ERVK3-1: variants seen among roughly 807,000 people sequenced by gnomAD.
The protein encoded by ERVK3-1 is endogenous retrovirus group K3 member 1, also known as HERV-K(HML6-1).
chr19:58,314,200 G>T (rs2147972068), intron 3 of ERVK3-1, among the ~76,000 whole-genome samples: 1 of 152,290 alleles, frequency 6.6e-6, no homozygotes, highest in South Asian at 2.1e-4. Context: ...AAGCTCATTT[G>T]CAGGGAGCTT....
intron 2 of ERVK3-1, among the ~76,000 whole-genome samples, chr19:58,308,058 G>T (rs768945710): frequency 1.3e-5 from 2 of 152,206 alleles, no homozygotes; most frequent in African/African-American, 2.4e-5. Flanking sequence ...TTATGAAGGA[G>T]AAATTCAAGT....
chr19:58,316,720 A>G (rs908762337), downstream of ERVK3-1, among the ~76,000 whole-genome samples: 42 of 152,254 alleles, frequency 2.8e-4, no homozygotes, highest in Non-Finnish European at 7.3e-5. Context: ...TTGTAGGCTC[A>G]GAGAGAAAAC....
rs1403002238 is a variant in ERVK3-1, at chr19:58,310,921, G to C, written c.-3-1245G>C. 2.7e-6 allele frequency: 1 copy of C among 368,902 alleles called. No individual in the cohort carries two copies. The highest frequency in any genetic ancestry group is 5.6e-6 in the Non-Finnish European group (1 of 179,266). 22.9% of individuals were successfully genotyped at this position (368,902 alleles called of 1,614,324 possible). ...GACCACGGTCTTCCCAAACGCTGGC[G>C]TCACCACTAGACCAAGGAGCCCTCT... On this transcript the variant is annotated intron_variant, in intron 2 of 3. Transcript: ENST00000413518. The surrounding 1 kb of genome is among the most constrained non-coding windows in gnomAD (Gnocchi z 4.7).
chr19:58,308,999 T>C (rs1276572144), intron 2 of ERVK3-1: 1 of 152,202 alleles, frequency 6.6e-6, no homozygotes. Context: ...ATTAGCCTCT[T>C]GTAGTAATAG....
intron 2 of ERVK3-1, among the ~76,000 whole-genome samples, chr19:58,306,870 T>G (rs1212737019): frequency 1.3e-5 from 2 of 152,260 alleles, no homozygotes; most frequent in Non-Finnish European, 2.9e-5. Context: ...TGGTTAATAA[T>G]GGAATACAGA....
intron 2 of ERVK3-1, chr19:58,306,589 A>G (rs1420162184): frequency 6.6e-6 from 1 of 152,250 alleles, no homozygotes; most frequent in Admixed American, 6.5e-5. Context: ...TGAATCTCAA[A>G]AATTGAAAGA....
chr19:58,310,835 C>A lies in ERVK3-1; in HGVS notation c.-3-1331C>A. 2.6e-6 allele frequency: 1 copy of A among 391,906 alleles called. No individual in the cohort carries two copies. The highest frequency in any genetic ancestry group is 5.2e-6 in the Non-Finnish European group (1 of 190,740). 24.3% of individuals were successfully genotyped at this position (391,906 alleles called of 1,614,324 possible). On this transcript the variant is annotated intron_variant, in intron 2 of 3. Transcript: ENST00000413518. The surrounding 1 kb of genome is among the most constrained non-coding windows in gnomAD (Gnocchi z 4.7). ...CCCCCAGGGAAAGGGAGACCGCCCC[C>A]CACCCTTTCCCGGTCTGCTAAGTAG...
rs2051547549 is a variant in ERVK3-1, at chr19:58,310,217, TA to T, written c.-3-1946del. 1 of 152,284 alleles carries T rather than the reference TA, an allele frequency of 6.6e-6. No individual in the cohort carries two copies. The highest frequency in any genetic ancestry group is 2.1e-4 in the South Asian group (1 of 4,830). The allele number at this position is 152,284 out of a possible 1,614,324, so 9.4% of individuals were successfully genotyped here. ...ATTGTCTGTAATTCAGCCTATGTCG[TA>T]AATGTAGCTAGTTGCATTAAAACTG... On this transcript the variant is annotated intron_variant, in intron 2 of 3. Coordinates refer to ENST00000413518, the Ensembl canonical transcript of ERVK3-1. This position sits in a 1 kb window ranked among gnomAD's most constrained non-coding sequence, Gnocchi z 4.7.
intron 2 of ERVK3-1, chr19:58,309,500 C>T (rs1000428297): frequency 1.3e-5 from 2 of 152,228 alleles, no homozygotes; most frequent in African/African-American, 4.8e-5. Context: ...TTCTTATCAA[C>T]TCACTCATGT....
In ERVK3-1 at chr19:58,313,095, C is replaced by T. The variant is rs768963112; in HGVS notation, c.294+633C>T. On this transcript the variant is annotated intron_variant, in intron 3 of 3. Coordinates refer to ENST00000413518, the Ensembl canonical transcript of ERVK3-1. The surrounding 1 kb of genome is among the most constrained non-coding windows in gnomAD (Gnocchi z 4.5). ...GGTATAGGACAGGCTTTAACCCGCCCTTACCTCAGTGACGTCATCTAGGAA... is the reference window on the plus strand; with the variant it reads ...GGTATAGGACAGGCTTTAACCCGCCTTTACCTCAGTGACGTCATCTAGGAA... 1.3e-5 allele frequency: 2 copies of T among 152,196 alleles called. No individual in the cohort carries two copies. Among genetic ancestry groups the T allele is most frequent in the African/African-American group, 2.4e-5 (1 of 41,430 alleles). The allele number at this position is 152,196 out of a possible 1,614,324, so 9.4% of individuals were successfully genotyped here.
intron 2 of ERVK3-1, among the ~76,000 whole-genome samples, chr19:58,308,133 A>C (rs1396308618): frequency 1.3e-5 from 2 of 152,222 alleles, no homozygotes; most frequent in Admixed American, 1.3e-4. Context: ...GCTATTGCTT[A>C]TTATTATTCT....
At chr19:58,307,331 T>C (rs1258681518) in intron 2 of ERVK3-1, among the ~76,000 whole-genome samples, 1 of 152,238 alleles carries the variant, frequency 6.6e-6, no homozygotes, top group Admixed American at 6.5e-5. Context: ...CCCTAGCTTT[T>C]GAAAATGCAA....
chr19:58,315,386 A>G (rs1277268647), exon 4 of ERVK3-1: 1 of 152,086 alleles, frequency 6.6e-6, no homozygotes, highest in African/African-American at 2.4e-5. Context: ...GCAACCACTA[A>G]TCCACGTTAT....
rs151292583 is a variant in ERVK3-1 at position 58,306,934 on chromosome 19, C to T, written c.-4+718C>T. Among the ~76,000 whole-genome samples, 330 of 152,360 alleles carry T rather than the reference C, an allele frequency of 2.2e-3. 3 individuals carry two copies. The highest frequency in any genetic ancestry group is 7.5e-3 in the African/African-American group (313 of 41,584). Reference sequence around the variant, plus strand: ...TGTATTCAGCACTATGCGCCTCCCACCCTTGGATATAAAGCATTTAGCTTG... The same window carrying T: ...TGTATTCAGCACTATGCGCCTCCCATCCTTGGATATAAAGCATTTAGCTTG... On this transcript the variant is annotated intron_variant, in intron 2 of 3. Transcript: ENST00000413518.
chr19:58,315,995 C>CAG (rs2051590370), downstream of ERVK3-1, among the ~76,000 whole-genome samples: 1 of 152,102 alleles, frequency 6.6e-6, no homozygotes, highest in African/African-American at 2.4e-5. Flanking sequence ...TCGGGTGCCC[C>CAG]CTACCCTGTA....
rs2051552025 is a variant in ERVK3-1 at position 58,310,831 on chromosome 19, C to T, written c.-3-1335C>T. On this transcript the variant is annotated intron_variant, in intron 2 of 3. Transcript: ENST00000413518. The surrounding 1 kb of genome is among the most constrained non-coding windows in gnomAD (Gnocchi z 4.7). ...ACCTCCCCCAGGGAAAGGGAGACCG[C>T]CCCCCACCCTTTCCCGGTCTGCTAA... 2.1e-5 allele frequency: 8 copies of T among 388,300 alleles called. No homozygotes were observed. Among genetic ancestry groups the T allele is most frequent in the South Asian group, 1.5e-4 (8 of 54,650 alleles). 24.1% of individuals were successfully genotyped at this position (388,300 alleles called of 1,614,324 possible). A position where few individuals can be genotyped will look rare whatever the true frequency, so the allele number is the denominator to read the frequency against.
chr19:58,307,626 G>A (rs1228120977), intron 2 of ERVK3-1, among the ~76,000 whole-genome samples: 2 of 68,626 alleles, frequency 2.9e-5, no homozygotes, highest in Admixed American at 1.4e-4. Context: ...TCCCCGCCCC[G>A]CTCCCCCCAA....
At chr19:58,311,450 A>G (rs970644010) in intron 2 of ERVK3-1, 2 of 152,222 alleles carry the variant, frequency 1.3e-5, no homozygotes, top group Non-Finnish European at 2.9e-5. Flanking sequence ...GCTTTACTGC[A>G]TCAGAACAAC....
chr19:58,307,045 G>T (rs1418612856), intron 2 of ERVK3-1, among the ~76,000 whole-genome samples: 1 of 152,198 alleles, frequency 6.6e-6, no homozygotes, highest in South Asian at 2.1e-4. Flanking sequence ...GAATCTCACC[G>T]CTGGACATGG....
Sources: gnomAD v4.1 joint callset for allele counts (sites outside exome capture counted in the v4.1 genomes callset) on GRCh38, gnomAD v4.1.1 for gene constraint, Gnocchi (gnomAD v3.1) non-coding constraint, MANE v1.5 for transcripts, NCBI Gene and HGNC (gene_info 2026-07-23, HGNC 2026-07-21) for gene names.